The following MAJIN variants were observed in gnomAD, a reference collection of about 807,000 sequenced individuals.
MAJIN encodes membrane-anchored junction protein.
A neutral mutation model predicts 30.2 loss-of-function variants in MAJIN; 27 were observed. That is an observed-to-expected ratio of 0.89 (90% CI 0.66 to 1.23). The LOEUF is 1.23. MAJIN is among the 50% of genes most tolerant of loss of function. The pLI, the probability that MAJIN is intolerant of heterozygous loss-of-function variation, is 0.00. For synonymous variants in MAJIN, 78 were observed against 91.6 expected (o/e 0.85, Z 0.85); for missense variants, 253 against 260.3 (o/e 0.97, Z 0.19).
intron 8 of MAJIN, among the ~76,000 whole-genome samples, chr11:64,946,485 A>T (rs1945454333): frequency 6.6e-6 from 1 of 152,330 alleles, no homozygotes; most frequent in Admixed American, 6.5e-5. Context: ...GTCGAATGGA[A>T]CAAAGCAAAG....
chr11:64,949,778 A>G lies in MAJIN; in HGVS notation c.314T>C (p.Val105Ala), dbSNP rs749920457. ...GTTTTCATGGAACCATTTCATCTCCACATATAGAGTAAAAACAAATGGGTA... is the reference window on the plus strand; with the variant it reads ...GTTTTCATGGAACCATTTCATCTCCGCATATAGAGTAAAAACAAATGGGTA... Reference protein sequence around the residue: ...IPYPFVFTLYVEMKWFHENLS... With the variant: ...IPYPFVFTLYAEMKWFHENLS... The change falls in exon 6 of 11, where the codon GTG (valine) becomes GCG (alanine). Residue 105 changes from valine to alanine, a missense_variant. Transcript: ENST00000301896. 1.2e-6 allele frequency: 2 copies of G among 1,612,898 alleles called. No homozygotes were observed. The highest frequency in any genetic ancestry group is 4.5e-5 in the East Asian group (2 of 44,886).
At position 64,959,338 on chromosome 11, in the gene MAJIN, T is replaced by A; in HGVS notation, c.68A>T (p.Tyr23Phe). 1 of 1,614,062 alleles carries A rather than the reference T, an allele frequency of 6.2e-7. No homozygotes were observed. The highest frequency in any genetic ancestry group is 8.5e-7 in the Non-Finnish European group (1 of 1,179,938). ...TRFLHAGPNV[Y>F]KFKIRYGKSI... Reference sequence around the variant, plus strand: ...CTTCCCATATCTGATTTTGAATTTATACACATTGGGTCCTGCATGAAGAAA... The same window carrying A: ...CTTCCCATATCTGATTTTGAATTTAAACACATTGGGTCCTGCATGAAGAAA... The change falls in exon 3 of 11, where the codon TAT (tyrosine) becomes TTT (phenylalanine). Residue 23 changes from tyrosine (Y) to phenylalanine (F), a missense_variant. Coordinates refer to ENST00000301896, the MANE Select transcript of MAJIN (RefSeq NM_001037225.3).
intron 10 of MAJIN, 47 bp from the exon 11 acceptor site, chr11:64,938,620 T>C (rs1945324429): frequency 6.6e-7 from 1 of 1,517,402 alleles, no homozygotes; most frequent in East Asian, 2.5e-5. Context: ...GAGGTCTCCT[T>C]CCCTTCTCCC....
chr11:64,949,736 C>T lies in MAJIN; in HGVS notation c.349+7G>A. On this transcript the variant is annotated splice_region_variant and intron_variant, in intron 6 of 10. Transcript: ENST00000301896. ...TCTGCCATCCACATTCACATCATTC[C>T]ACTTACCAGGTGACAGGTTTTCATG... The T allele has an allele frequency of 6.2e-7, 1 of 1,612,404 alleles. No homozygotes were observed. The highest frequency in any genetic ancestry group is 1.3e-5 in the African/African-American group (1 of 75,028).
chr11:64,940,672 C>G (rs199784971), intron 8 of MAJIN, 26 bp from the exon 9 acceptor site: 2 of 1,604,678 alleles, frequency 1.2e-6, no homozygotes, highest in African/African-American at 2.7e-5. Context: ...CCAAGAAAAG[C>G]CTTAAACTTT....
intron 1 of MAJIN, among the ~76,000 whole-genome samples, chr11:64,971,474 GGAA>G (rs923757364): frequency 3.3e-5 from 5 of 151,238 alleles, no homozygotes; most frequent in East Asian, 1.9e-4. Context: ...GGGGGGGCGG[GGAA>G]GGAGGAGGAG....
chr11:64,951,705 C>A (rs906493038), intron 4 of MAJIN, among the ~76,000 whole-genome samples: 22 of 144,878 alleles, frequency 1.5e-4, no homozygotes, highest in Non-Finnish European at 3.1e-4. Flanking sequence ...GTCGAGGCTG[C>A]AGTGAGCTAT....
intron 3 of MAJIN, among the ~76,000 whole-genome samples, chr11:64,958,749 A>C (rs1011252775): frequency 3.9e-5 from 6 of 152,076 alleles, no homozygotes; most frequent in Admixed American, 3.9e-4. Flanking sequence ...CCCAGGTTCA[A>C]GCAATTCTCC....
chr11:64,949,113 A>C (rs978436027), intron 6 of MAJIN, among the ~76,000 whole-genome samples: 2 of 150,442 alleles, frequency 1.3e-5, no homozygotes, highest in Non-Finnish European at 3.0e-5. Flanking sequence ...GCTTGAGCCC[A>C]GGAGTTTGAG....
chr11:64,946,010 T>C, intron 8 of MAJIN: 13 of 1,355,468 alleles, frequency 9.6e-6, no homozygotes, highest in Non-Finnish European at 1.3e-5. Flanking sequence ...GTAACCGGAA[T>C]CCTGACTTGT....
rs1014643935 is a variant in MAJIN at position 64,948,272 on chromosome 11, C to G, written c.350-453G>C. Among the ~76,000 whole-genome samples, 5 of 151,922 alleles carry G rather than the reference C, an allele frequency of 3.3e-5. No homozygotes were observed. The East Asian group carries it at 9.6e-4, about 29-fold the overall frequency. ...TCCCTAAAAATAGTGTCTTCAAACT[C>G]TCTTCCTCCCCTGTTTCAGAATGAT... is the stretch of plus-strand genomic sequence containing the variant. On this transcript the variant is annotated intron_variant, in intron 6 of 10. Coordinates refer to ENST00000301896, the MANE Select transcript of MAJIN (RefSeq NM_001037225.3).
rs36053356 is a variant in MAJIN, at chr11:64,961,467, A to ATTT, written c.-64-1335_-64-1333dup. 1.0e-3 allele frequency among the ~76,000 whole-genome samples: 60 copies of ATTT among 59,184 alleles called. 4 individuals are homozygous for ATTT. The highest frequency in any genetic ancestry group is 1.9e-3 in the African/African-American group (26 of 13,890). The allele number at this position is 59,184 out of a possible 152,430, so 38.8% of individuals were successfully genotyped here. On this transcript the variant is annotated intron_variant, in intron 1 of 10. Coordinates refer to ENST00000301896, the MANE Select transcript of MAJIN (RefSeq NM_001037225.3). ...CAGGCATGACCCACTGTGCCCGGCAATTTTTTTTTTTTTTTTTTTTTTTTT... is the reference window on the plus strand; with the variant it reads ...CAGGCATGACCCACTGTGCCCGGCAATTTTTTTTTTTTTTTTTTTTTTTTTTTT...
At chr11:64,963,796 G>A (rs75719725) in intron 1 of MAJIN, among the ~76,000 whole-genome samples, 26,969 of 152,046 alleles carry the variant, frequency 0.18, 3,274 homozygotes, top group East Asian at 0.36. Context: ...CCAAGATTGC[G>A]CCACTGCACT....
At chr11:64,956,272 C>G (rs1279974501) in intron 3 of MAJIN, among the ~76,000 whole-genome samples, 1 of 150,796 alleles carries the variant, frequency 6.6e-6, no homozygotes, top group Non-Finnish European at 1.5e-5. Context: ...GCACTCCAGC[C>G]CGGGCAACAA....
chr11:64,961,956 T>G (rs1945734246), intron 1 of MAJIN, among the ~76,000 whole-genome samples: 1 of 151,998 alleles, frequency 6.6e-6, no homozygotes, highest in Non-Finnish European at 1.5e-5. Flanking sequence ...GCCCAGCTAA[T>G]TTTTAAAATT....
intron 1 of MAJIN, among the ~76,000 whole-genome samples, chr11:64,965,172 T>C (rs991239929): frequency 5.9e-5 from 9 of 152,214 alleles, no homozygotes; most frequent in Non-Finnish European, 1.3e-4. Context: ...TTCTGTTTTC[T>C]CATAGGTTTC....
intron 1 of MAJIN, among the ~76,000 whole-genome samples, chr11:64,971,456 G>A (rs878910609): frequency 6.7e-6 from 1 of 150,168 alleles, no homozygotes; most frequent in Non-Finnish European, 1.5e-5. Flanking sequence ...AAGGACGGAG[G>A]AAGTTGCGGG....
intron 8 of MAJIN, among the ~76,000 whole-genome samples, chr11:64,942,213 G>T (rs1332924384): frequency 6.6e-6 from 1 of 152,032 alleles, no homozygotes; most frequent in Non-Finnish European, 1.5e-5. Context: ...CTGTTTTGCT[G>T]GTGAAGAGTT....
intron 3 of MAJIN, 129 bp from the exon 4 acceptor site, chr11:64,954,931 T>C (rs1945608817): frequency 3.7e-6 from 3 of 811,596 alleles, no homozygotes; most frequent in African/African-American, 1.7e-5. Context: ...CTGTGTAAGC[T>C]GACCCAGTGC....
Sources: gnomAD v4.1 joint callset for allele counts (sites outside exome capture counted in the v4.1 genomes callset) on GRCh38, gnomAD v4.1.1 for gene constraint, MANE v1.5 for transcripts, NCBI Gene and HGNC (gene_info 2026-07-23, HGNC 2026-07-21) for gene names.